The following STRN4 variants were observed in gnomAD, a reference collection of about 807,000 sequenced individuals.
The protein encoded by STRN4 is striatin-4.
A neutral mutation model predicts 77.9 loss-of-function variants in STRN4; 27 were observed. That is an observed-to-expected ratio of 0.35 (90% confidence interval 0.26 to 0.48). The LOEUF is 0.48. Among genes scored for constraint, STRN4 ranks in the 20% least tolerant of loss-of-function variants. The pLI is 0.99. For missense variants in STRN4, 798 were observed against 1,049.7 expected (o/e 0.76, Z 3.31); for synonymous variants, 466 against 443.1 (o/e 1.05, Z -0.65).
At position 46,741,594 on chromosome 19, in the gene STRN4, A is replaced by T. The variant is rs1241179098; in HGVS notation, c.283-2706T>A. On this transcript the variant is annotated intron_variant, in intron 1 of 17. Coordinates refer to ENST00000263280, the MANE Select transcript of STRN4 (RefSeq NM_013403.3). The surrounding 1 kb of genome is among the most constrained non-coding windows in gnomAD (Gnocchi z 4.9). ...AGGTAGGCCTGAGGGTCGGTCGGGG[A>T]TCTGGAAGTGCCGCTCACCATATCC... Among the ~76,000 whole-genome samples, 1 of 152,106 alleles carries T rather than the reference A, an allele frequency of 6.6e-6. No homozygotes were observed. Among genetic ancestry groups the T allele is most frequent in the Non-Finnish European group, 1.5e-5 (1 of 68,022 alleles).
intron 14 of STRN4, 119 bp downstream of exon 14, chr19:46,722,691 G>A: frequency 6.9e-7 from 1 of 1,450,530 alleles, no homozygotes; most frequent in Non-Finnish European, 9.4e-7. Flanking sequence ...CCTGCTCAGG[G>A]CCTGAGGGTG....
intron 15 of STRN4, 65 bp from the exon 16 acceptor site, chr19:46,722,137 G>A (rs1221665113): frequency 6.2e-7 from 1 of 1,606,690 alleles, no homozygotes; most frequent in Non-Finnish European, 8.5e-7. Context: ...GAGAGTGAAA[G>A]GACTGGACGA....
At chr19:46,731,847 C>T (rs539310323) in intron 5 of STRN4, 32 of 152,502 alleles carry the variant, frequency 2.1e-4, no homozygotes, top group African/African-American at 7.5e-4. Flanking sequence ...TACACTCACT[C>T]CTGCAGGCAC....
Position 46,724,896 on chromosome 19 carries a change from T to C in STRN4, c.1505A>G (p.Asn502Ser), listed in dbSNP as rs755122110. The C allele has an allele frequency of 6.2e-7, 1 of 1,614,074 alleles. No individual in the cohort carries two copies. The highest frequency in any genetic ancestry group is 8.5e-7 in the Non-Finnish European group (1 of 1,180,036). ...GPVLAVAMGS[N>S]SEYCYSGGAD... ...CCCGCCACTGTAGCAGTATTCACTG[T>C]TGCTGCCCATAGCCACAGCCAACAC... The change falls in exon 12 of 18, where the codon AAC becomes AGC. Residue 502 changes from asparagine to serine, a missense_variant. Physicochemically the swap from Asn to Ser is conservative, Grantham distance 46. This residue lies in a region of STRN4 where 287 missense variants were observed against 473.8 expected (regional missense o/e 0.61). Transcript: ENST00000263280.
At chr19:46,734,527 T>C (rs868559608) in intron 4 of STRN4, among the ~76,000 whole-genome samples, 20 of 152,206 alleles carry the variant, frequency 1.3e-4, no homozygotes, top group Admixed American at 2.6e-4. Flanking sequence ...TACAAGGAAC[T>C]GACCATGGAG....
In STRN4 at chr19:46,730,876, GC is replaced by G; in HGVS notation, c.738-4del. 6.2e-7 allele frequency: 1 copy of G among 1,610,014 alleles called. No homozygotes were observed. ...TGCCATCTTTGCCTGCCGCGTTCCT[GC>G]CAAAGACAGCAGAGCAGAGGAGGCA... On this transcript the variant is annotated splice_region_variant and splice_polypyrimidine_tract_variant and intron_variant, in intron 5 of 17. Transcript: ENST00000263280.
In STRN4 at chr19:46,727,440, CGGA is replaced by C; in HGVS notation, c.1248+9_1248+11del. 2.5e-6 allele frequency: 4 copies of C among 1,611,038 alleles called. No homozygotes were observed. Among genetic ancestry groups the C allele is most frequent in the Non-Finnish European group, 3.4e-6 (4 of 1,178,080 alleles). On this transcript the variant is annotated intron_variant, in intron 9 of 17. Coordinates refer to ENST00000263280, the MANE Select transcript of STRN4 (RefSeq NM_013403.3). Reference sequence around the variant, plus strand: ...CAATGGGGACAGTGTGGGGGGCACCCGGAGAACTTACATCGCAGCTGAGGTCGT... The same window carrying C: ...CAATGGGGACAGTGTGGGGGGCACCCGAACTTACATCGCAGCTGAGGTCGT...
chr19:46,728,836 C>G (rs2054184146), intron 6 of STRN4, 59 bp from the exon 7 acceptor site: 1 of 1,593,470 alleles, frequency 6.3e-7, no homozygotes, highest in African/African-American at 1.3e-5. Context: ...ACTAAGCCAC[C>G]TCCGTGCCTA....
intron 1 of STRN4, 96 bp downstream of exon 1, chr19:46,746,053 C>G (rs1207921311): frequency 1.7e-6 from 2 of 1,148,080 alleles, no homozygotes; most frequent in African/African-American, 1.7e-5. Context: ...GCCGTCCCGG[C>G]GGCCATTGCT....
In STRN4 at chr19:46,738,681, G is replaced by A. The variant is rs1178130970; in HGVS notation, c.386+104C>T. The A allele has an allele frequency of 1.6e-5, 17 of 1,063,308 alleles. No homozygotes were observed. Among genetic ancestry groups the A allele is most frequent in the African/African-American group, 1.1e-4 (7 of 64,092 alleles). 65.9% of individuals were successfully genotyped at this position (1,063,308 alleles called of 1,614,324 possible). On this transcript the variant is annotated intron_variant, in intron 2 of 17. Transcript: ENST00000263280. This position sits in a 1 kb window ranked among gnomAD's most constrained non-coding sequence, Gnocchi z 4.5. ...TACTGGAATGATGGAAAAGAATGTC[G>A]ACCCCAAATCTCCCTTAGCTGGAAG...
Position 46,727,977 on chromosome 19 carries a change from A to G in STRN4, c.1070T>C (p.Leu357Pro). Reference protein sequence around the residue: ...ESRRVKLQGILADLRDVDGLP... With the variant: ...ESRRVKLQGIPADLRDVDGLP... Reference sequence around the variant, plus strand: ...CCCATCCACATCCCGCAGGTCAGCCAGAATGCCTTGGAGTTTGACCCGACG... The same window carrying G: ...CCCATCCACATCCCGCAGGTCAGCCGGAATGCCTTGGAGTTTGACCCGACG... Residue 357 changes from leucine to proline, a missense_variant, in exon 8 of 18, where the codon CTG becomes CCG. Leu to Pro is a moderately conservative substitution (Grantham distance 98, BLOSUM62 -3). Around this residue, in one of 2 missense-constraint regions of STRN4, gnomAD observed 511 missense variants for 575.9 expected, o/e 0.89. Coordinates refer to ENST00000263280, the MANE Select transcript of STRN4 (RefSeq NM_013403.3). 6.2e-7 allele frequency: 1 copy of G among 1,614,054 alleles called. No homozygotes were observed. The highest frequency in any genetic ancestry group is 8.5e-7 in the Non-Finnish European group (1 of 1,179,964).
chr19:46,745,113 C>A (rs2054554144), intron 1 of STRN4, among the ~76,000 whole-genome samples: 1 of 151,576 alleles, frequency 6.6e-6, no homozygotes, highest in South Asian at 2.1e-4. Flanking sequence ...TAAAGCATCA[C>A]CCCAGGGTAA....
rs1568404558 is a variant in STRN4, at chr19:46,738,828, C to T, written c.343G>A (p.Val115Met). The part of the protein sequence containing the change: ...KGQENLKTDL[V>M]RRIKMLEYAL... Reference sequence around the variant, plus strand: ...TACTCTAGCATCTTGATCCGCCGCACCAGGTCCGTCTTTAGATTCTCCTGC... The same window carrying T: ...TACTCTAGCATCTTGATCCGCCGCATCAGGTCCGTCTTTAGATTCTCCTGC... The change falls in exon 2 of 18, where the codon GTG becomes ATG. Residue 115 changes from valine (V) to methionine (M), a missense_variant. Physicochemically the swap from Val to Met is conservative, Grantham distance 21. This residue lies in a region of STRN4 where 511 missense variants were observed against 575.9 expected (regional missense o/e 0.89). Coordinates refer to ENST00000263280, the MANE Select transcript of STRN4 (RefSeq NM_013403.3). This position sits in a 1 kb window ranked among gnomAD's most constrained non-coding sequence, Gnocchi z 4.5. 6.2e-7 allele frequency: 1 copy of T among 1,614,204 alleles called. No homozygotes were observed. The highest frequency in any genetic ancestry group is 2.2e-5 in the East Asian group (1 of 44,888).
rs1190664701 is a variant in STRN4 at position 46,733,421 on chromosome 19, A to G, written c.540-185T>C. 1 of 615,666 alleles carries G rather than the reference A, an allele frequency of 1.6e-6. No individual in the cohort carries two copies. The highest frequency in any genetic ancestry group is 2.9e-6 in the Non-Finnish European group (1 of 347,254). The allele number at this position is 615,666 out of a possible 1,614,324, so 38.1% of individuals were successfully genotyped here. On this transcript the variant is annotated intron_variant, in intron 4 of 17. Coordinates refer to ENST00000263280, the MANE Select transcript of STRN4 (RefSeq NM_013403.3). The surrounding 1 kb of genome is among the most constrained non-coding windows in gnomAD (Gnocchi z 4.3). ...CTATTTCCAGTGGAAGCCCTTGTACACACACACAATGCTATGTGTGAGGGT... is the reference window on the plus strand; with the variant it reads ...CTATTTCCAGTGGAAGCCCTTGTACGCACACACAATGCTATGTGTGAGGGT...
At position 46,725,657 on chromosome 19, in the gene STRN4, G is replaced by A. The variant is rs1244495904; in HGVS notation, c.1249-9C>T. 6.2e-7 allele frequency: 1 copy of A among 1,612,372 alleles called. No homozygotes were observed. Among genetic ancestry groups the A allele is most frequent in the Non-Finnish European group, 8.5e-7 (1 of 1,178,828 alleles). On this transcript the variant is annotated splice_polypyrimidine_tract_variant and intron_variant, in intron 9 of 17. Coordinates refer to ENST00000263280, the MANE Select transcript of STRN4 (RefSeq NM_013403.3). Reference sequence around the variant, plus strand: ...TCTTTGCTGTCAGACAGCTGGGGTTGGGGGGAGCTGCCTCAGTGTCTTCGC... The same window carrying A: ...TCTTTGCTGTCAGACAGCTGGGGTTAGGGGGAGCTGCCTCAGTGTCTTCGC...
intron 6 of STRN4, among the ~76,000 whole-genome samples, chr19:46,729,174 AG>A (rs1177565880): frequency 6.6e-6 from 1 of 152,236 alleles, no homozygotes; most frequent in Non-Finnish European, 1.5e-5. Flanking sequence ...CGATAAACAC[AG>A]CACCAGCAGC....
rs1599862190 is a variant in STRN4 at position 46,724,681 on chromosome 19, G to T, written c.1594+126C>A. 158 of 1,410,912 alleles carry T rather than the reference G, an allele frequency of 1.1e-4. 2 individuals are homozygous for T. In the South Asian group the frequency reaches 1.9e-3, roughly 17 times the overall value. The allele number at this position is 1,410,912 out of a possible 1,614,324, so 87.4% of individuals were successfully genotyped here. ...GCGCTGCTCACAACAGAGCAGACAG[G>T]GGAGCCGTCACACGCACTCCTGAGG... On this transcript the variant is annotated intron_variant, in intron 12 of 17. Coordinates refer to ENST00000263280, the MANE Select transcript of STRN4 (RefSeq NM_013403.3).
At chr19:46,724,671 G>C in intron 12 of STRN4, 136 bp downstream of exon 12, 2 of 1,350,126 alleles carry the variant, frequency 1.5e-6, no homozygotes, top group Non-Finnish European at 2.0e-6. Flanking sequence ...GCTCACAACA[G>C]AGCAGACAGG....
chr19:46,726,904 T>C (rs960790954), intron 9 of STRN4, among the ~76,000 whole-genome samples: 1 of 152,090 alleles, frequency 6.6e-6, no homozygotes, highest in Non-Finnish European at 1.5e-5. Flanking sequence ...AGGGACCCCA[T>C]GGCACACTCC....
Sources: allele counts gnomAD v4.1 joint callset (sites outside exome capture counted in the v4.1 genomes callset), GRCh38; gene constraint gnomAD v4.1.1; regional missense constraint gnomAD v4.1.1; non-coding constraint Gnocchi (gnomAD v3.1); transcripts MANE v1.5; gene names NCBI Gene and HGNC (gene_info 2026-07-23, HGNC 2026-07-21).